ULK4: variants seen among roughly 807,000 people sequenced by gnomAD.
ULK4 encodes the protein unc-51 like kinase 4, also known as inactive serine/threonine-protein kinase ULK4.
ULK4 carries 133 observed loss-of-function variants against 160.6 expected under a neutral mutation model. The observed-to-expected ratio is 0.83, with a 90% CI of 0.72 to 0.96. The LOEUF (loss-of-function observed/expected upper bound fraction) is 0.96, where lower values mean the gene tolerates loss of function less well. Ranked by LOEUF, ULK4 falls within the 40% of genes least tolerant of loss-of-function variation. ULK4 has a pLI of 0.00. For synonymous variants in ULK4, 534 were observed against 539.8 expected (o/e 0.99, Z 0.15); for missense variants, 1,580 against 1,499.5 (o/e 1.05, Z -0.89).
At chr3:41,920,833 T>C (rs1699156508) in intron 5 of ULK4, among the ~76,000 whole-genome samples, 1 of 152,190 alleles carries the variant, frequency 6.6e-6, no homozygotes, top group Non-Finnish European at 1.5e-5. Flanking sequence ...GCTATCACAT[T>C]TTGTACACAT....
chr3:41,688,336 T>C (rs1165801980), intron 27 of ULK4, among the ~76,000 whole-genome samples: 1 of 152,084 alleles, frequency 6.6e-6, no homozygotes, highest in Admixed American at 6.6e-5. Context: ...GGAGAATCGC[T>C]TGAGCCCAGG....
intron 34 of ULK4, among the ~76,000 whole-genome samples, chr3:41,415,647 C>T (rs1334274647): frequency 1.3e-5 from 2 of 152,132 alleles, no homozygotes; most frequent in African/African-American, 2.4e-5. Context: ...GAGAGTTCTT[C>T]CCTGGCCTCC....
chr3:41,579,258 G>A (rs895416724), intron 31 of ULK4, among the ~76,000 whole-genome samples: 1 of 152,114 alleles, frequency 6.6e-6, no homozygotes, highest in Non-Finnish European at 1.5e-5. Context: ...TCATGAAAAT[G>A]AAAGAGAAAA....
intron 35 of ULK4, among the ~76,000 whole-genome samples, chr3:41,382,696 A>G (rs770420578): frequency 1.3e-5 from 2 of 152,214 alleles, no homozygotes; most frequent in Non-Finnish European, 2.9e-5. Flanking sequence ...TAATGTTTCA[A>G]TTCAACTTAT....
At chr3:41,795,847 C>T (rs2040286779) in intron 20 of ULK4, among the ~76,000 whole-genome samples, 1 of 152,116 alleles carries the variant, frequency 6.6e-6, no homozygotes, top group Non-Finnish European at 1.5e-5. Context: ...ATGGCAGTGG[C>T]CTGGATTATG....
chr3:41,909,497 A>G (rs1037790825), intron 11 of ULK4, among the ~76,000 whole-genome samples: 6 of 152,084 alleles, frequency 3.9e-5, no homozygotes, highest in Admixed American at 6.6e-5. Context: ...AGATCACCTG[A>G]GCTCAGGAGT....
At chr3:41,960,332 T>C (rs1044270465) in intron 1 of ULK4, among the ~76,000 whole-genome samples, 1 of 152,276 alleles carries the variant, frequency 6.6e-6, no homozygotes, top group Non-Finnish European at 1.5e-5. Context: ...TAAGGCTGTT[T>C]CCTTAGAGTA....
chr3:41,824,796 C>A (rs932770494), intron 18 of ULK4, among the ~76,000 whole-genome samples: 2 of 152,198 alleles, frequency 1.3e-5, no homozygotes, highest in African/African-American at 4.8e-5. Flanking sequence ...ATGTCCCTGT[C>A]TGCCAGCTTT....
At chr3:41,264,563 T>A (rs540418490) in intron 35 of ULK4, among the ~76,000 whole-genome samples, 1 of 152,320 alleles carries the variant, frequency 6.6e-6, no homozygotes, top group South Asian at 2.1e-4. Context: ...GAGAAGAGTC[T>A]GCCTCATCAA....
intron 35 of ULK4, among the ~76,000 whole-genome samples, chr3:41,291,894 A>G (rs1345343824): frequency 6.6e-6 from 1 of 150,442 alleles, no homozygotes; most frequent in Non-Finnish European, 1.5e-5. Flanking sequence ...GCAGTGGCGC[A>G]ATCTCGGCTC....
At chr3:41,680,765 C>G (rs1001235650) in intron 29 of ULK4, among the ~76,000 whole-genome samples, 7 of 152,048 alleles carry the variant, frequency 4.6e-5, no homozygotes, top group African/African-American at 7.2e-5. Flanking sequence ...CGGCCCAGGC[C>G]CTGGAGAAAG....
chr3:41,721,286 G>GTTTTTT (rs1575606160), intron 22 of ULK4, among the ~76,000 whole-genome samples: 10 of 29,190 alleles, frequency 3.4e-4, no homozygotes, highest in African/African-American at 1.5e-3. Context: ...TTTTTTTTTG[G>GTTTTTT]GTTTTGAACC....
intron 1 of ULK4, among the ~76,000 whole-genome samples, chr3:41,961,719 T>G (rs1225526356): frequency 3.3e-5 from 5 of 151,930 alleles, no homozygotes; most frequent in Non-Finnish European, 7.4e-5. Flanking sequence ...AGAGATGGCG[T>G]CCATAAAGCA....
chr3:41,932,983 G>A (rs1298379311), intron 4 of ULK4, among the ~76,000 whole-genome samples: 1 of 152,220 alleles, frequency 6.6e-6, no homozygotes. Context: ...GGCAGAGGTT[G>A]CAGTGAGCCA....
At chr3:41,488,918 C>T (rs1259468615) in intron 32 of ULK4, among the ~76,000 whole-genome samples, 1 of 152,022 alleles carries the variant, frequency 6.6e-6, no homozygotes, top group African/African-American at 2.4e-5. Flanking sequence ...AAATGACACA[C>T]TCCAGCCATC....
chr3:41,480,067 C>T (rs529330991), intron 32 of ULK4, among the ~76,000 whole-genome samples: 159 of 151,918 alleles, frequency 1.0e-3, no homozygotes, highest in Middle Eastern at 0.01. Context: ...ATTAGCCAGG[C>T]GTGGTGGCGG....
At chr3:41,493,946 CA>C (rs1342301585) in intron 32 of ULK4, among the ~76,000 whole-genome samples, 2 of 150,076 alleles carry the variant, frequency 1.3e-5, no homozygotes, top group Non-Finnish European at 3.0e-5. Context: ...AACAGCTTAC[CA>C]ACCAAAAAGA....
At chr3:41,713,785 A>C (rs554017701) in intron 25 of ULK4, among the ~76,000 whole-genome samples, 3 of 152,334 alleles carry the variant, frequency 2.0e-5, no homozygotes, top group Middle Eastern at 3.4e-3. Flanking sequence ...CAGAATTACA[A>C]GGAGCAGACG....
chr3:41,688,650 T>C (rs975697717), intron 27 of ULK4, among the ~76,000 whole-genome samples: 1 of 152,218 alleles, frequency 6.6e-6, no homozygotes, highest in African/African-American at 2.4e-5. Context: ...AGTTATCAGC[T>C]GAGGTCACCC....
Sources: gnomAD v4.1 joint callset for allele counts (sites outside exome capture counted in the v4.1 genomes callset) on GRCh38, gnomAD v4.1.1 for gene constraint, MANE v1.5 for transcripts, NCBI Gene and HGNC (gene_info 2026-07-23, HGNC 2026-07-21) for gene names.